RTTN: variants seen among roughly 807,000 people sequenced by gnomAD.
The protein encoded by RTTN is rotatin.
A neutral mutation model predicts 269.2 loss-of-function variants in RTTN; 182 were observed. The ratio of observed to expected loss-of-function variants is 0.68; its 90% CI spans 0.60 to 0.76. The LOEUF is 0.76. Ranked by LOEUF, RTTN falls within the 30% of genes least tolerant of loss-of-function variation. RTTN has a pLI of 0.00. For synonymous variants in RTTN, 1,006 were observed against 963.5 expected (o/e 1.04, Z -0.82); for missense variants, 2,545 against 2,608.6 (o/e 0.98, Z 0.53).
intron 39 of RTTN, among the ~76,000 whole-genome samples, chr18:70,049,706 T>C (rs2057600945): frequency 6.6e-6 from 1 of 152,186 alleles, no homozygotes; most frequent in African/African-American, 2.4e-5. Flanking sequence ...GTTATGAATA[T>C]TTATGTTAAA....
intron 23 of RTTN, chr18:70,129,216 T>C (rs933768209): frequency 6.6e-6 from 1 of 151,988 alleles, no homozygotes; most frequent in Non-Finnish European, 1.5e-5. Context: ...TCCTTTAACA[T>C]GGTGAAATAA....
At chr18:70,027,896 G>T (rs1286508687) in intron 43 of RTTN, among the ~76,000 whole-genome samples, 1 of 152,146 alleles carries the variant, frequency 6.6e-6, no homozygotes, top group African/African-American at 2.4e-5. Flanking sequence ...TTTTCCAGAT[G>T]TGGTATGGTT....
chr18:70,054,373 A>C (rs2057758409), intron 37 of RTTN, 89 bp from the exon 38 acceptor site: 2 of 1,218,030 alleles, frequency 1.6e-6, no homozygotes, highest in African/African-American at 3.1e-5. Context: ...TAACACAATA[A>C]AAAATAAAAT....
intron 28 of RTTN, among the ~76,000 whole-genome samples, chr18:70,106,463 T>C (rs1444106169): frequency 6.6e-6 from 1 of 152,186 alleles, no homozygotes; most frequent in Non-Finnish European, 1.5e-5. Flanking sequence ...TATCCAACCT[T>C]GGAAGAATAA....
At chr18:70,008,218 A>T (rs2056256262) in intron 46 of RTTN, 1 of 152,140 alleles carries the variant, frequency 6.6e-6, no homozygotes, top group African/African-American at 2.4e-5. Flanking sequence ...ACATCAACCA[A>T]AAGGACATCC....
intron 37 of RTTN, among the ~76,000 whole-genome samples, chr18:70,057,179 C>T (rs1331349670): frequency 1.3e-5 from 2 of 152,160 alleles, no homozygotes; most frequent in African/African-American, 4.8e-5. Flanking sequence ...AATCTTGTAG[C>T]CCTTCTTAAA....
chr18:70,128,421 AG>A lies in RTTN; in HGVS notation c.3079del (p.Leu1027CysfsTer11). ...VSDMLRIAWNLSWYHGSDNLL... is the reference protein window; with the variant it reads ...VSDMLRIAWNXSWYHGSDNLL... ...ATTATCACTCCCATGATACCATGAC[AG>A]GTTCCAAGCTATTCTCAGCATATCT... is the stretch of plus-strand genomic sequence containing the variant. On this transcript the variant is annotated frameshift_variant, in exon 24 of 49. Transcript: ENST00000640769. LOFTEE classifies it high-confidence loss of function. The A allele has an allele frequency of 6.2e-7, 1 of 1,613,374 alleles. No individual in the cohort carries two copies. The highest frequency in any genetic ancestry group is 8.5e-7 in the Non-Finnish European group (1 of 1,179,530).
At chr18:70,127,925 C>T in intron 24 of RTTN, 184 bp from the exon 25 acceptor site, 1 of 591,918 alleles carries the variant, frequency 1.7e-6, no homozygotes, top group Admixed American at 3.1e-5. Flanking sequence ...ACATTGGCAT[C>T]CCAAATGTTT....
intron 11 of RTTN, 95 bp downstream of exon 11, chr18:70,176,580 A>T (rs1005902093): frequency 2.3e-5 from 27 of 1,155,452 alleles, no homozygotes; most frequent in South Asian, 7.6e-5. Context: ...AAAGCACAAT[A>T]CCTTCACACC....
rs1045007421 is a variant in RTTN at position 70,114,608 on chromosome 18, T to C, written c.3529-9A>G. 6.2e-7 allele frequency: 1 copy of C among 1,603,850 alleles called. No individual in the cohort carries two copies. The highest frequency in any genetic ancestry group is 1.1e-5 in the South Asian group (1 of 88,764). ...AACAGTGGGTTTGCACTCTAAAAAA[T>C]GAAATTTGTAAAAAATGTATTTACT... On this transcript the variant is annotated splice_polypyrimidine_tract_variant and intron_variant, in intron 26 of 48. Transcript: ENST00000640769.
chr18:70,023,548 C>T (rs2056766958), intron 44 of RTTN, among the ~76,000 whole-genome samples: 1 of 152,168 alleles, frequency 6.6e-6, no homozygotes, highest in Non-Finnish European at 1.5e-5. Context: ...CACTACTGTG[C>T]ACTCAGGCTC....
rs183077570 is a variant in RTTN, at chr18:70,204,870, A to C, written c.219+258T>G. On this transcript the variant is annotated intron_variant, in intron 2 of 48. Coordinates refer to ENST00000640769, the MANE Select transcript of RTTN (RefSeq NM_173630.4). ...AACAGAATACAAATATTAACCTCCA[A>C]AGATAACTCAAAAACACAGAACATA... is the stretch of plus-strand genomic sequence containing the variant. 6.2e-4 allele frequency among the ~76,000 whole-genome samples: 95 copies of C among 152,346 alleles called. 2 individuals are homozygous for C. The Middle Eastern group carries it at 0.01, about 16-fold the overall frequency.
intron 46 of RTTN, among the ~76,000 whole-genome samples, chr18:70,012,910 C>T (rs1375690705): frequency 2.0e-5 from 3 of 152,158 alleles, no homozygotes; most frequent in Non-Finnish European, 4.4e-5. Context: ...ATTTTGTCTA[C>T]ATAATTCAAT....
intron 21 of RTTN, 121 bp downstream of exon 21, chr18:70,139,478 A>T: frequency 1.5e-6 from 1 of 645,786 alleles, no homozygotes; most frequent in Non-Finnish European, 2.7e-6. Context: ...TTAGTAGTGT[A>T]TTCACTAATA....
chr18:70,077,077 A>G (rs2058447152), intron 32 of RTTN, among the ~76,000 whole-genome samples: 1 of 151,932 alleles, frequency 6.6e-6, no homozygotes, highest in Non-Finnish European at 1.5e-5. Flanking sequence ...ATTAACAAAT[A>G]AGACAAGAAT....
intron 8 of RTTN, 152 bp downstream of exon 8, chr18:70,193,136 G>T: frequency 1.5e-6 from 1 of 658,772 alleles, no homozygotes; most frequent in Non-Finnish European, 2.4e-6. Context: ...AAAGTATGAA[G>T]CCAGGGTTTA....
rs370674668 is a variant in RTTN, at chr18:70,149,027, T to C, written c.2183A>G (p.Asp728Gly). The C allele has an allele frequency of 5.0e-6, 8 of 1,613,256 alleles. No homozygotes were observed. The highest frequency in any genetic ancestry group is 4.4e-5 in the South Asian group (4 of 91,006). The change falls in exon 17 of 49, where the codon GAC (aspartate) becomes GGC (glycine). Residue 728 changes from aspartate (D) to glycine (G), a missense_variant. Physicochemically the swap from Asp to Gly is moderately conservative, Grantham distance 94. Transcript: ENST00000640769. ...GCAGTTACCCAGAGGATCTTCTGTG[T>C]CGGCATAGCCCTAATAGATTTGTTT... The part of the protein sequence containing the change: ...PVIPILQGYA[D>G]TEDPLGNCIL...
chr18:70,018,418 A>G (rs1264856864), intron 45 of RTTN, among the ~76,000 whole-genome samples: 1 of 152,222 alleles, frequency 6.6e-6, no homozygotes, highest in Non-Finnish European at 1.5e-5. Context: ...CAGCATGGAA[A>G]CCACAGTTAG....
intron 9 of RTTN, among the ~76,000 whole-genome samples, chr18:70,190,003 G>C (rs1031463968): frequency 6.6e-6 from 1 of 152,140 alleles, no homozygotes; most frequent in Non-Finnish European, 1.5e-5. Context: ...ACAAAGGTAA[G>C]AATCCAGTTT....
Sources: gnomAD v4.1 joint callset for allele counts (sites outside exome capture counted in the v4.1 genomes callset) on GRCh38, gnomAD v4.1.1 for gene constraint, MANE v1.5 for transcripts, NCBI Gene and HGNC (gene_info 2026-07-23, HGNC 2026-07-21) for gene names.